ZNF226: variants seen among roughly 807,000 people sequenced by gnomAD.
ZNF226 encodes zinc finger protein 226, also known as Kruppel-associated box protein.
Under a neutral mutation model 11.4 loss-of-function variants are expected in ZNF226, and 6 were observed. The observed-to-expected ratio is 0.53, with a 90% CI of 0.29 to 1.04. The LOEUF is 1.04. Among genes scored for constraint, ZNF226 ranks in the 50% least tolerant of loss-of-function variants. The pLI, the probability that ZNF226 is intolerant of heterozygous loss-of-function variation, is 0.08. For missense variants in ZNF226, 1,058 were observed against 956.5 expected (o/e 1.11, Z -1.40); for synonymous variants, 350 against 322.8 (o/e 1.08, Z -0.90).
At chr19:44,191,838 G>A in the ZNF226 span, among the ~76,000 whole-genome samples, 3 of 151,700 alleles carry the variant, frequency 2.0e-5, no homozygotes, top group Non-Finnish European at 4.4e-5. Context: ...TGAAGCATGA[G>A]AAATTATTTT....
Position 44,176,922 on chromosome 19 carries a change from A to G in ZNF226, c.1660A>G (p.Ser554Gly), listed in dbSNP as rs777019835. ...TCTTCAAATCCATCAGAAGGCCCAC[A>G]GTATAGAGAAACCTTTTAAGTGTGA... ...SYLQIHQKAH[S>G]IEKPFKCEEC... The change falls in exon 6 of 6, where the codon AGT (serine) becomes GGT (glycine). Residue 554 changes from serine to glycine, a missense_variant. Transcript: ENST00000337433. 1.2e-6 allele frequency: 2 copies of G among 1,614,060 alleles called. No homozygotes were observed. The highest frequency in any genetic ancestry group is 1.7e-6 in the Non-Finnish European group (2 of 1,179,962).
At chr19:44,199,387 G>C in the ZNF226 span, among the ~76,000 whole-genome samples, 2 of 152,010 alleles carry the variant, frequency 1.3e-5, no homozygotes, top group Non-Finnish European at 1.5e-5. Flanking sequence ...TGTTCCCTGG[G>C]CTGCCTTTTG....
At chr19:44,174,738 C>T (rs982182652) in intron 5 of ZNF226, 2 of 331,460 alleles carry the variant, frequency 6.0e-6, no homozygotes, top group African/African-American at 2.1e-5. Flanking sequence ...AACATATCTA[C>T]ATCCAGAAAC....
At chr19:44,184,453 G>A in the ZNF226 span, among the ~76,000 whole-genome samples, 35 of 152,016 alleles carry the variant, frequency 2.3e-4, no homozygotes, top group Non-Finnish European at 3.5e-4. Flanking sequence ...GGTGGCGGGC[G>A]CCTATAATCC....
intron 2 of ZNF226, among the ~76,000 whole-genome samples, chr19:44,168,217 G>A (rs1969633456): frequency 6.6e-6 from 1 of 150,982 alleles, no homozygotes; most frequent in African/African-American, 2.4e-5. Flanking sequence ...TCTGGTTGTT[G>A]CTGCTGTTGT....
Position 44,176,889 on chromosome 19 carries a change from A to T in ZNF226, c.1627A>T (p.Ser543Cys), listed in dbSNP as rs771307811. Reference sequence around the variant, plus strand: ...GATATGTGGGAAGGGCTTCAGTCAAAGTTCGTATCTTCAAATCCATCAGAA... The same window carrying T: ...GATATGTGGGAAGGGCTTCAGTCAATGTTCGTATCTTCAAATCCATCAGAA... ...CEICGKGFSQSSYLQIHQKAH... is the reference protein window; with the variant it reads ...CEICGKGFSQCSYLQIHQKAH... Residue 543 changes from serine to cysteine, a missense_variant, in exon 6 of 6, where the codon AGT (serine) becomes TGT (cysteine). Ser to Cys is a moderately radical substitution (Grantham distance 112, BLOSUM62 -1). Coordinates refer to ENST00000337433, the MANE Select transcript of ZNF226 (RefSeq NM_001032373.2). 1 of 1,613,358 alleles carries T rather than the reference A, an allele frequency of 6.2e-7. No individual in the cohort carries two copies. The highest frequency in any genetic ancestry group is 8.5e-7 in the Non-Finnish European group (1 of 1,179,810).
chr19:44,182,276 C>T (rs767931119), downstream of ZNF226, among the ~76,000 whole-genome samples: 1 of 152,184 alleles, frequency 6.6e-6, no homozygotes, highest in Non-Finnish European at 1.5e-5. Context: ...ATGCTCTATG[C>T]ATTGTAGGAT....
chr19:44,171,300 A>G (rs976071700), intron 3 of ZNF226, among the ~76,000 whole-genome samples: 1 of 152,214 alleles, frequency 6.6e-6, no homozygotes, highest in Non-Finnish European at 1.5e-5. Flanking sequence ...ACAGTGTGTC[A>G]AGATTTAACA....
the ZNF226 span, among the ~76,000 whole-genome samples, chr19:44,185,070 G>A: frequency 6.6e-6 from 1 of 152,220 alleles, no homozygotes; most frequent in African/African-American, 2.4e-5. Flanking sequence ...TCTCGAGGTT[G>A]ATTAATGTCG....
At chr19:44,173,082 T>A in intron 5 of ZNF226, 130 bp downstream of exon 5, 1 of 754,220 alleles carries the variant, frequency 1.3e-6, no homozygotes, top group Non-Finnish European at 2.2e-6. Flanking sequence ...CCCTTTGTAC[T>A]GCTTGCCCTG....
the ZNF226 span, among the ~76,000 whole-genome samples, chr19:44,190,407 C>T: frequency 6.6e-6 from 1 of 152,096 alleles, no homozygotes; most frequent in Non-Finnish European, 1.5e-5. Flanking sequence ...GATCTCGGCT[C>T]ACTGCAAGCT....
chr19:44,171,954 T>C, intron 3 of ZNF226, 134 bp from the exon 4 acceptor site: 4 of 1,218,704 alleles, frequency 3.3e-6, no homozygotes, highest in Non-Finnish European at 4.7e-6. Flanking sequence ...GTGTATGGCA[T>C]TGGCAAGACA....
the ZNF226 span, among the ~76,000 whole-genome samples, chr19:44,195,155 G>A: frequency 1.3e-5 from 2 of 152,074 alleles, no homozygotes; most frequent in Admixed American, 6.5e-5. Context: ...TTCCAGAAAA[G>A]ACAAAAAGTC....
At chr19:44,194,308 A>C in the ZNF226 span, among the ~76,000 whole-genome samples, 1 of 152,062 alleles carries the variant, frequency 6.6e-6, no homozygotes, top group South Asian at 2.1e-4. Context: ...ACAAGGTCTC[A>C]CTCTGTTGCC....
chr19:44,189,933 C>T, the ZNF226 span, among the ~76,000 whole-genome samples: 1 of 152,296 alleles, frequency 6.6e-6, no homozygotes, highest in South Asian at 2.1e-4. Flanking sequence ...AGTTTTCTAG[C>T]TTCAGCTTAC....
At position 44,176,489 on chromosome 19, in the gene ZNF226, T is replaced by C. The variant is rs1336741752; in HGVS notation, c.1227T>C (p.His409=). ...GTCGGAATTCACATCTTCAATCCCA[T>C]CAAAGAGTTCATACAGGAGAGAAAC... The part of the protein sequence containing the change: ...SFSRNSHLQS[H]QRVHTGEKPY... The change falls in exon 6 of 6, where the codon CAT becomes CAC. Residue 409 remains histidine (H), a synonymous_variant. Coordinates refer to ENST00000337433, the MANE Select transcript of ZNF226 (RefSeq NM_001032373.2). The C allele has an allele frequency of 2.5e-6, 4 of 1,614,040 alleles. No homozygotes were observed. Among genetic ancestry groups the C allele is most frequent in the South Asian group, 1.1e-5 (1 of 91,078 alleles).
At chr19:44,180,566 T>A (rs1300695214), downstream of ZNF226, among the ~76,000 whole-genome samples, 1 of 152,192 alleles carries the variant, frequency 6.6e-6, no homozygotes, top group African/African-American at 2.4e-5. Flanking sequence ...AACTACCCCC[T>A]GTGGGCCCAA....
At chr19:44,193,884 T>G in the ZNF226 span, among the ~76,000 whole-genome samples, 1 of 152,198 alleles carries the variant, frequency 6.6e-6, no homozygotes, top group Admixed American at 6.5e-5. Context: ...GACCATAAAT[T>G]TCAAATGTAT....
At chr19:44,191,377 C>T in the ZNF226 span, among the ~76,000 whole-genome samples, 1 of 152,176 alleles carries the variant, frequency 6.6e-6, no homozygotes. Flanking sequence ...GATAGCATTA[C>T]ATCAGGACCA....
Sources: allele counts gnomAD v4.1 joint callset (sites outside exome capture counted in the v4.1 genomes callset), GRCh38; gene constraint gnomAD v4.1.1; transcripts MANE v1.5; gene names NCBI Gene and HGNC (gene_info 2026-07-23, HGNC 2026-07-21).